BICC1: variants seen among roughly 807,000 people sequenced by gnomAD.
BICC1 encodes BicC family RNA binding protein 1.
Under a neutral mutation model 111.0 loss-of-function variants are expected in BICC1, and 43 were observed. The observed-to-expected ratio is 0.39, with a 90% CI of 0.30 to 0.50. The LOEUF is 0.50. Among genes scored for constraint, BICC1 ranks in the 20% least tolerant of loss-of-function variants. The pLI is 0.88. For missense variants in BICC1, 1,091 were observed against 1,203.2 expected, an observed-to-expected ratio of 0.91 and a Z score of 1.38; for synonymous variants, 467 against 434.4, an observed-to-expected ratio of 1.07 and a Z score of -0.93.
intron 3 of BICC1, among the ~76,000 whole-genome samples, chr10:58,745,026 T>G (rs767249779): frequency 1.3e-5 from 2 of 152,202 alleles, no homozygotes; most frequent in Non-Finnish European, 2.9e-5. Context: ...TTCTATCTCC[T>G]GTTATGACCC....
At chr10:58,810,830 AAAAT>A (rs1279335950) in intron 17 of BICC1, among the ~76,000 whole-genome samples, 10 of 152,208 alleles carry the variant, frequency 6.6e-5, no homozygotes, top group African/African-American at 2.2e-4. Flanking sequence ...TTTCAAAAGA[AAAAT>A]AAAGCCAAAT....
At chr10:58,622,839 C>T (rs1477191891) in intron 2 of BICC1, among the ~76,000 whole-genome samples, 1 of 152,176 alleles carries the variant, frequency 6.6e-6, no homozygotes, top group Non-Finnish European at 1.5e-5. Context: ...TCTAGTTTTA[C>T]ATGACATTTT....
rs1207647814 is a variant in BICC1, at chr10:58,713,900, C to A, written c.307+11757C>A. Among the ~76,000 whole-genome samples, 9 of 152,238 alleles carry A rather than the reference C, an allele frequency of 5.9e-5. No homozygotes were observed. The South Asian group carries it at 1.9e-3, about 32-fold the overall frequency. ...TTTTTGAGATCCATTAAGGATTTTA[C>A]TGTGATTTATAAACTTTCTTCTGGA... is the stretch of plus-strand genomic sequence containing the variant. On this transcript the variant is annotated intron_variant, in intron 3 of 20. Transcript: ENST00000373886.
intron 1 of BICC1, among the ~76,000 whole-genome samples, chr10:58,549,813 G>A (rs1843246844): frequency 6.6e-6 from 1 of 151,724 alleles, no homozygotes; most frequent in Non-Finnish European, 1.5e-5. Flanking sequence ...AGCCTCCTGA[G>A]TAGCTGGGAT....
chr10:58,688,012 G>A (rs1254693392), intron 2 of BICC1, among the ~76,000 whole-genome samples: 2 of 152,120 alleles, frequency 1.3e-5, no homozygotes, highest in African/African-American at 2.4e-5. Context: ...GCTCTTAAAG[G>A]TGGCGCATAC....
At chr10:58,774,777 G>A (rs1336516626) in intron 3 of BICC1, among the ~76,000 whole-genome samples, 1 of 152,016 alleles carries the variant, frequency 6.6e-6, no homozygotes, top group Non-Finnish European at 1.5e-5. Context: ...GACCTTTGCC[G>A]ATTTTATTTT....
At chr10:58,703,153 C>T (rs765350224) in intron 3 of BICC1, among the ~76,000 whole-genome samples, 5 of 140,022 alleles carry the variant, frequency 3.6e-5, no homozygotes, top group Non-Finnish European at 7.5e-5. Context: ...GTAGAAACTC[C>T]TATCTTGCTA....
chr10:58,586,118 C>G (rs760081128), intron 1 of BICC1, among the ~76,000 whole-genome samples: 1 of 152,122 alleles, frequency 6.6e-6, no homozygotes, highest in Non-Finnish European at 1.5e-5. Context: ...TTTGTAGTTT[C>G]CTTCGTGAGG....
rs1564506870 is a variant in BICC1, at chr10:58,601,166, ATATATCT to A, written c.191-19688_191-19682del. Among the ~76,000 whole-genome samples, 139 of 140,950 alleles carry A rather than the reference ATATATCT, an allele frequency of 9.9e-4. 2 individuals are homozygous for A. Among genetic ancestry groups the A allele is most frequent in the African/African-American group, 3.3e-3 (131 of 39,292 alleles). The allele number at this position is 140,950 out of a possible 152,430, so 92.5% of individuals were successfully genotyped here. On this transcript the variant is annotated intron_variant, in intron 1 of 20. Coordinates refer to ENST00000373886, the MANE Select transcript of BICC1 (RefSeq NM_001080512.3). ...TATATATATATATATATATATATAT[ATATATCT>A]CCCAATAAAATTTGGAAAATAAAAA...
chr10:58,702,398 C>A (rs1840264503), intron 3 of BICC1, among the ~76,000 whole-genome samples: 1 of 152,152 alleles, frequency 6.6e-6, no homozygotes. Flanking sequence ...TTCAAGGATG[C>A]TTATTCGATT....
At chr10:58,792,242 G>A (rs1175669756) in intron 8 of BICC1, among the ~76,000 whole-genome samples, 1 of 151,546 alleles carries the variant, frequency 6.6e-6, no homozygotes, top group Non-Finnish European at 1.5e-5. Context: ...CAGAGGCTGT[G>A]AGTAGAGCAT....
intron 3 of BICC1, among the ~76,000 whole-genome samples, chr10:58,743,727 A>G (rs913260586): frequency 2.0e-5 from 3 of 151,306 alleles, no homozygotes; most frequent in African/African-American, 7.3e-5. Flanking sequence ...AGGATTTTTC[A>G]TGGAAAGGAA....
At chr10:58,583,789 A>G (rs973904467) in intron 1 of BICC1, among the ~76,000 whole-genome samples, 7 of 152,200 alleles carry the variant, frequency 4.6e-5, no homozygotes, top group Admixed American at 3.9e-4. Flanking sequence ...GTAGATGCCC[A>G]GTAGTGGGAT....
chr10:58,718,527 CT>C (rs1840821183), intron 3 of BICC1, among the ~76,000 whole-genome samples: 1 of 152,064 alleles, frequency 6.6e-6, no homozygotes, highest in Non-Finnish European at 1.5e-5. Context: ...TATTGTTTGT[CT>C]TGCCCAAACT....
chr10:58,591,873 T>C (rs2132041721), intron 1 of BICC1, among the ~76,000 whole-genome samples: 1 of 152,326 alleles, frequency 6.6e-6, no homozygotes, highest in African/African-American at 2.4e-5. Flanking sequence ...CCTATTTCTA[T>C]TTCTGGCCTG....
chr10:58,627,928 A>G (rs1837679380), intron 2 of BICC1, among the ~76,000 whole-genome samples: 2 of 152,208 alleles, frequency 1.3e-5, no homozygotes, highest in Non-Finnish European at 2.9e-5. Context: ...CAGACATTGG[A>G]TTATTATGTA....
intron 12 of BICC1, among the ~76,000 whole-genome samples, chr10:58,799,818 G>A (rs1222506178): frequency 6.6e-6 from 1 of 151,994 alleles, no homozygotes; most frequent in East Asian, 1.9e-4. Flanking sequence ...GCTTAAGATT[G>A]CTTTGGCTAT....
At chr10:58,710,226 G>A (rs990182859) in intron 3 of BICC1, among the ~76,000 whole-genome samples, 6 of 152,190 alleles carry the variant, frequency 3.9e-5, no homozygotes, top group African/African-American at 1.2e-4. Context: ...CAGTTGGTAA[G>A]TAGCAGACCT....
intron 3 of BICC1, among the ~76,000 whole-genome samples, chr10:58,737,968 A>T (rs895692696): frequency 1.3e-5 from 2 of 152,072 alleles, no homozygotes; most frequent in African/African-American, 2.4e-5. Flanking sequence ...GTTTGAGTTC[A>T]TTGTAGATTC....
Sources: allele counts gnomAD v4.1 joint callset (sites outside exome capture counted in the v4.1 genomes callset), GRCh38; gene constraint gnomAD v4.1.1; transcripts MANE v1.5; gene names NCBI Gene and HGNC (gene_info 2026-07-23, HGNC 2026-07-21).